The following AKAP10 variants were observed in gnomAD, a reference collection of about 807,000 sequenced individuals.
AKAP10 encodes A-kinase anchor protein 10, mitochondrial.
Under a neutral mutation model 80.8 loss-of-function variants are expected in AKAP10, and 24 were observed. The ratio of observed to expected loss-of-function variants is 0.30; its 90% CI spans 0.22 to 0.42. The LOEUF is 0.42. Ranked by LOEUF, AKAP10 falls within the 10% of genes least tolerant of loss-of-function variation. AKAP10 has a pLI of 1.00. For synonymous variants in AKAP10, 291 were observed against 277.7 expected (o/e 1.05, Z -0.48); for missense variants, 661 against 794.9 (o/e 0.83, Z 2.03).
chr17:19,936,533 C>T (rs1597503197), intron 8 of AKAP10, 103 bp from the exon 9 acceptor site: 3 of 1,140,530 alleles, frequency 2.6e-6, no homozygotes, highest in East Asian at 5.1e-5. Context: ...CTTGATTGAG[C>T]CTGCAGGCCT....
chr17:19,975,098 CTCATTGTAGCCT>C (rs2043548489), intron 1 of AKAP10, among the ~76,000 whole-genome samples: 1 of 152,138 alleles, frequency 6.6e-6, no homozygotes, highest in Admixed American at 6.6e-5. Context: ...TCAAATATGG[CTCATTGTAGCCT>C]CCACCTCCTA....
chr17:19,918,062 A>C (rs560383424), intron 12 of AKAP10, among the ~76,000 whole-genome samples: 1 of 151,734 alleles, frequency 6.6e-6, no homozygotes, highest in South Asian at 2.1e-4. Context: ...TCTACTAAAA[A>C]TACAAAAATT....
intron 6 of AKAP10, among the ~76,000 whole-genome samples, chr17:19,941,298 A>C (rs999362465): frequency 6.6e-6 from 1 of 152,220 alleles, no homozygotes; most frequent in East Asian, 1.9e-4. Context: ...CAAGACTGGC[A>C]CTATGCCTAA....
At chr17:19,907,125 C>T (rs541381444) in intron 14 of AKAP10, among the ~76,000 whole-genome samples, 3 of 151,906 alleles carry the variant, frequency 2.0e-5, no homozygotes, top group South Asian at 2.1e-4. Flanking sequence ...TCAAGCAATT[C>T]TCCTGCCTCA....
chr17:19,918,715 A>C (rs921673013), intron 12 of AKAP10, among the ~76,000 whole-genome samples: 2 of 152,186 alleles, frequency 1.3e-5, no homozygotes, highest in African/African-American at 4.8e-5. Flanking sequence ...CAATTCAACC[A>C]AACTAAAAAC....
intron 9 of AKAP10, among the ~76,000 whole-genome samples, chr17:19,935,038 T>TC (rs75313669): frequency 8.7e-4 from 131 of 150,332 alleles, no homozygotes; most frequent in Non-Finnish European, 5.7e-4. Flanking sequence ...AATCAATCAA[T>TC]AAACAGAATT....
intron 8 of AKAP10, 52 bp downstream of exon 8, chr17:19,939,661 A>G: frequency 3.2e-6 from 5 of 1,576,870 alleles, no homozygotes; most frequent in East Asian, 2.3e-5. Context: ...TCCACAAAAC[A>G]TATCAAATGT....
At chr17:19,977,463 G>A in intron 1 of AKAP10, 129 bp downstream of exon 1, 4 of 629,034 alleles carry the variant, frequency 6.4e-6, no homozygotes, top group Non-Finnish European at 9.1e-6. Context: ...CACTCAGGGG[G>A]CATCTGCGCC....
intron 11 of AKAP10, among the ~76,000 whole-genome samples, chr17:19,922,244 A>C (rs1238945457): frequency 1.3e-5 from 2 of 152,204 alleles, no homozygotes; most frequent in Non-Finnish European, 2.9e-5. Context: ...AATTCTGTGA[A>C]CATCAATATA....
intron 11 of AKAP10, among the ~76,000 whole-genome samples, chr17:19,922,139 T>C (rs2042824278): frequency 6.6e-6 from 1 of 152,150 alleles, no homozygotes; most frequent in Non-Finnish European, 1.5e-5. Context: ...CCAGGTGCGG[T>C]GGCTCATGTG....
chr17:19,920,629 G>A (rs1238694148), intron 11 of AKAP10, among the ~76,000 whole-genome samples: 3 of 151,966 alleles, frequency 2.0e-5, no homozygotes, highest in Admixed American at 6.6e-5. Flanking sequence ...GATCACTTGA[G>A]GCCAGTAGTT....
chr17:19,951,455 A>G (rs796519029), intron 4 of AKAP10, among the ~76,000 whole-genome samples: 205 of 125,722 alleles, frequency 1.6e-3, no homozygotes, highest in Admixed American at 2.6e-3. Flanking sequence ...CGAATAGAAA[A>G]GGGGGAAATG....
At chr17:19,948,106 T>C (rs2043155354) in intron 4 of AKAP10, among the ~76,000 whole-genome samples, 1 of 152,128 alleles carries the variant, frequency 6.6e-6, no homozygotes, top group Admixed American at 6.6e-5. Context: ...ATAGAGAATA[T>C]CATCCGTTGA....
At chr17:19,963,114 A>C in intron 2 of AKAP10, 92 bp from the exon 3 acceptor site, 3 of 1,097,654 alleles carry the variant, frequency 2.7e-6, no homozygotes, top group Non-Finnish European at 3.8e-6. Context: ...TAAAAATTAA[A>C]TTTTGTAACA....
chr17:19,929,151 C>A (rs1448310594), intron 10 of AKAP10, among the ~76,000 whole-genome samples: 2 of 152,026 alleles, frequency 1.3e-5, no homozygotes, highest in African/African-American at 2.4e-5. Context: ...CCAGAATAAG[C>A]AAATCTATTG....
intron 4 of AKAP10, among the ~76,000 whole-genome samples, chr17:19,948,036 G>A (rs1308335407): frequency 1.3e-5 from 2 of 150,272 alleles, no homozygotes; most frequent in African/African-American, 2.4e-5. Flanking sequence ...AACCACCAAA[G>A]GCGGGTGTTA....
At position 19,939,788 on chromosome 17, in the gene AKAP10, T is replaced by G. The variant is rs780416942; in HGVS notation, c.1247A>C (p.Gln416Pro). Residue 416 changes from glutamine (Q) to proline (P), a missense_variant, in exon 8 of 15, where the codon CAG becomes CCG. Gln to Pro is a moderately conservative substitution (Grantham distance 76). Coordinates refer to ENST00000225737, the MANE Select transcript of AKAP10 (RefSeq NM_007202.4). Reference protein sequence around the residue: ...LQFWLAADNFQSQLAAKKGQY... With the variant: ...LQFWLAADNFPSQLAAKKGQY... ...GCCCTTTTTGGCAGCAAGCTGAGAC[T>G]GGAAGTTATCTGCTGCCAACCAGAA... is the stretch of plus-strand genomic sequence containing the variant. The G allele has an allele frequency of 6.2e-7, 1 of 1,614,064 alleles. No individual in the cohort carries two copies. The highest frequency in any genetic ancestry group is 8.5e-7 in the Non-Finnish European group (1 of 1,179,978).
intron 1 of AKAP10, among the ~76,000 whole-genome samples, chr17:19,972,810 T>C (rs1184209650): frequency 6.6e-6 from 1 of 152,206 alleles, no homozygotes; most frequent in African/African-American, 2.4e-5. Context: ...TATTTTCCTG[T>C]GTCTTATTTT....
At position 19,909,207 on chromosome 17, in the gene AKAP10, C is replaced by G; in HGVS notation, c.1957G>C (p.Asp653His). The G allele has an allele frequency of 6.2e-7, 1 of 1,613,206 alleles. No individual in the cohort carries two copies. Among genetic ancestry groups the G allele is most frequent in the East Asian group, 2.2e-5 (1 of 44,826 alleles). The change falls in exon 14 of 15, where the codon GAT (aspartate) becomes CAT (histidine). Residue 653 changes from aspartate to histidine, a missense_variant. Transcript: ENST00000225737. ...TTTGTAGATTTCTCTAACGGTTGAT[C>G]ATACTGAGCCTGCTGCATAATGTCA... is the stretch of plus-strand genomic sequence containing the variant. ...VSDIMQQAQY[D>H]QPLEKSTKL
Sources: allele counts gnomAD v4.1 joint callset (sites outside exome capture counted in the v4.1 genomes callset), GRCh38; gene constraint gnomAD v4.1.1; transcripts MANE v1.5; gene names NCBI Gene and HGNC (gene_info 2026-07-23, HGNC 2026-07-21).